Variants in LRRC4C observed in about 807,000 individuals in gnomAD.
LRRC4C encodes leucine rich repeat containing 4C, also known as leucine-rich repeat-containing protein 4C.
In LRRC4C, 5 loss-of-function variants were observed where a neutral mutation model predicts 33.6. The observed-to-expected ratio is 0.15, with a 90% CI of 0.08 to 0.31. The LOEUF is 0.31. Among genes scored for constraint, LRRC4C ranks in the 10% least tolerant of loss-of-function variants. The pLI, the probability that LRRC4C is intolerant of heterozygous loss-of-function variation, is 1.00. For missense variants in LRRC4C, 560 were observed against 796.7 expected (o/e 0.70, Z 3.58); for synonymous variants, 329 against 302.0 (o/e 1.09, Z -0.93).
At chr11:40,427,432 C>G (rs1428730840) in intron 3 of LRRC4C, among the ~76,000 whole-genome samples, 1 of 152,102 alleles carries the variant, frequency 6.6e-6, no homozygotes, top group Non-Finnish European at 1.5e-5. Context: ...ACTTGAATCC[C>G]AGAGGTGGAG....
At chr11:41,324,055 G>A (rs1304503595) in intron 1 of LRRC4C, among the ~76,000 whole-genome samples, 1 of 152,160 alleles carries the variant, frequency 6.6e-6, no homozygotes, top group African/African-American at 2.4e-5. Flanking sequence ...TGGAGAATTT[G>A]TTTAAAGTGC....
At chr11:40,505,600 T>C (rs7113203) in intron 3 of LRRC4C, among the ~76,000 whole-genome samples, 9,830 of 152,240 alleles carry the variant, frequency 0.065, 833 homozygotes, top group African/African-American at 0.2. Context: ...TTCAAGATTT[T>C]CTGGGTAGGG....
At chr11:40,395,638 A>G (rs889757913) in intron 3 of LRRC4C, among the ~76,000 whole-genome samples, 2 of 152,114 alleles carry the variant, frequency 1.3e-5, no homozygotes, top group Non-Finnish European at 2.9e-5. Context: ...TGGGAATCCA[A>G]CTTTTTTGTG....
intron 2 of LRRC4C, among the ~76,000 whole-genome samples, chr11:40,671,305 A>G (rs1278650589): frequency 6.6e-6 from 1 of 152,178 alleles, no homozygotes; most frequent in Non-Finnish European, 1.5e-5. Flanking sequence ...TTGAAATAGT[A>G]TTTTGTTTTA....
chr11:41,407,496 C>A (rs1389126542), intron 1 of LRRC4C, among the ~76,000 whole-genome samples: 4 of 152,006 alleles, frequency 2.6e-5, no homozygotes, highest in African/African-American at 7.2e-5. Context: ...GAGATAGGGT[C>A]TCACAATGTT....
intron 1 of LRRC4C, among the ~76,000 whole-genome samples, chr11:41,398,933 T>G (rs1953924460): frequency 6.6e-6 from 1 of 151,950 alleles, no homozygotes; most frequent in South Asian, 2.1e-4. Flanking sequence ...ATTTACCTTG[T>G]AAGGCTTAAT....
intron 3 of LRRC4C, among the ~76,000 whole-genome samples, chr11:40,587,986 C>T (rs1472498671): frequency 6.6e-6 from 1 of 152,026 alleles, no homozygotes; most frequent in Non-Finnish European, 1.5e-5. Context: ...TGATGCTGGC[C>T]TCATAAAATG....
At chr11:40,788,119 G>C (rs1565063084) in intron 2 of LRRC4C, among the ~76,000 whole-genome samples, 1 of 152,118 alleles carries the variant, frequency 6.6e-6, no homozygotes, top group Non-Finnish European at 1.5e-5. Flanking sequence ...CATCTACCCA[G>C]TGACAGAGAT....
rs55668275 is a variant in LRRC4C at position 40,341,998 on chromosome 11, CA to C, written c.-269-22278del. ...GAGATTATGTTACTGGCACTTTTCT[CA>C]AAAAAAAAAAACAAAATAAGTCTTT... On this transcript the variant is annotated intron_variant, in intron 3 of 6. Transcript: ENST00000528697. 2.7e-4 allele frequency among the ~76,000 whole-genome samples: 39 copies of C among 142,188 alleles called. No homozygotes were observed. The East Asian group carries it at 2.8e-3, about 10-fold the overall frequency. 93.3% of individuals were successfully genotyped at this position (142,188 alleles called of 152,430 possible). A position where few individuals can be genotyped will look rare whatever the true frequency, so the allele number is the denominator to read the frequency against.
At chr11:40,247,111 CTCTT>C (rs1866402049) in intron 4 of LRRC4C, among the ~76,000 whole-genome samples, 1 of 146,234 alleles carries the variant, frequency 6.8e-6, no homozygotes, top group East Asian at 1.9e-4. Context: ...TTCCTTTTCT[CTCTT>C]TTTTTTTTTT....
intron 1 of LRRC4C, among the ~76,000 whole-genome samples, chr11:41,109,392 C>T (rs1448005585): frequency 9.2e-5 from 14 of 151,960 alleles, no homozygotes; most frequent in African/African-American, 3.1e-4. Context: ...AAGAAATTGT[C>T]ATGATGGAGA....
chr11:40,173,758 T>C (rs1050319306), intron 5 of LRRC4C, among the ~76,000 whole-genome samples: 1 of 152,110 alleles, frequency 6.6e-6, no homozygotes, highest in Admixed American at 6.6e-5. Context: ...ATAGTAAAAA[T>C]AGTACATAGT....
intron 3 of LRRC4C, among the ~76,000 whole-genome samples, chr11:40,359,063 T>A (rs559966685): frequency 6.6e-6 from 1 of 152,266 alleles, no homozygotes. Context: ...TCTGATAAAT[T>A]GTTTAGGGAA....
At chr11:40,524,717 T>C (rs1955967111) in intron 3 of LRRC4C, among the ~76,000 whole-genome samples, 1 of 152,184 alleles carries the variant, frequency 6.6e-6, no homozygotes, top group Non-Finnish European at 1.5e-5. Context: ...GCTCATTCAA[T>C]TTGTTTGTTC....
At chr11:40,154,851 T>C (rs1167943342) in intron 5 of LRRC4C, among the ~76,000 whole-genome samples, 1 of 152,142 alleles carries the variant, frequency 6.6e-6, no homozygotes, top group Non-Finnish European at 1.5e-5. Context: ...TTGGAACAAA[T>C]GGACTTAAAC....
At chr11:40,388,283 A>T (rs934933646) in intron 3 of LRRC4C, among the ~76,000 whole-genome samples, 1 of 152,158 alleles carries the variant, frequency 6.6e-6, no homozygotes, top group Non-Finnish European at 1.5e-5. Flanking sequence ...TCAAAATGTG[A>T]CACCTCTTTC....
At chr11:40,168,754 G>C (rs1284082677) in intron 5 of LRRC4C, among the ~76,000 whole-genome samples, 1 of 152,230 alleles carries the variant, frequency 6.6e-6, no homozygotes, top group East Asian at 1.9e-4. Context: ...TGGGCTGGCA[G>C]AGGAAAGTAA....
intron 1 of LRRC4C, among the ~76,000 whole-genome samples, chr11:41,248,282 T>A (rs973515714): frequency 5.9e-5 from 9 of 152,140 alleles, no homozygotes; most frequent in Non-Finnish European, 1.2e-4. Context: ...TACTAAGAGT[T>A]TATATGACCT....
At chr11:41,451,819 A>C (rs963886737) in intron 1 of LRRC4C, among the ~76,000 whole-genome samples, 9 of 152,126 alleles carry the variant, frequency 5.9e-5, no homozygotes, top group Non-Finnish European at 1.2e-4. Context: ...TTGGTAGAGA[A>C]AATGACCCTG....
Sources: gnomAD v4.1 joint callset for allele counts (sites outside exome capture counted in the v4.1 genomes callset) on GRCh38, gnomAD v4.1.1 for gene constraint, MANE v1.5 for transcripts, NCBI Gene and HGNC (gene_info 2026-07-23, HGNC 2026-07-21) for gene names.